GREB1: variants seen among roughly 807,000 people sequenced by gnomAD.
GREB1 encodes protein GREB1.
Under a neutral mutation model 200.7 loss-of-function variants are expected in GREB1, and 106 were observed. The observed-to-expected ratio is 0.53, with a 90% CI of 0.45 to 0.62. The LOEUF (loss-of-function observed/expected upper bound fraction) is 0.62. GREB1 is among the 20% of genes least tolerant of loss of function. The pLI is 0.00. For missense variants in GREB1, 2,243 were observed against 2,556.8 expected (o/e 0.88, Z 2.65); for synonymous variants, 1,132 against 1,092.4 (o/e 1.04, Z -0.72).
intron 11 of GREB1, among the ~76,000 whole-genome samples, chr2:11,594,441 G>A (rs577302041): frequency 1.2e-3 from 174 of 150,744 alleles, no homozygotes; most frequent in Admixed American, 2.2e-3. Flanking sequence ...TGCAACCTCC[G>A]TCTCCCAAGT....
chr2:11,617,608 G>T (rs1683531373), intron 21 of GREB1, among the ~76,000 whole-genome samples: 1 of 152,254 alleles, frequency 6.6e-6, no homozygotes, highest in African/African-American at 2.4e-5. Flanking sequence ...CCTCAGTCGG[G>T]CCTTGCGGAA....
chr2:11,586,419 G>C (rs1680098612), intron 9 of GREB1, among the ~76,000 whole-genome samples: 1 of 152,234 alleles, frequency 6.6e-6, no homozygotes, highest in Non-Finnish European at 1.5e-5. Flanking sequence ...GATTTGATCT[G>C]TTTTGTGCAG....
intron 26 of GREB1, among the ~76,000 whole-genome samples, chr2:11,630,409 A>G (rs1005230795): frequency 6.6e-6 from 1 of 152,254 alleles, no homozygotes; most frequent in Non-Finnish European, 1.5e-5. Flanking sequence ...TGTTTGGAAT[A>G]ACTGATGAAA....
intron 30 of GREB1, among the ~76,000 whole-genome samples, chr2:11,637,455 G>A (rs1685474153): frequency 6.6e-6 from 1 of 152,176 alleles, no homozygotes; most frequent in Non-Finnish European, 1.5e-5. Context: ...AGACCAGAAA[G>A]CTGGTTTCCT....
intron 11 of GREB1, among the ~76,000 whole-genome samples, chr2:11,594,855 G>A (rs1055006689): frequency 1.5e-4 from 23 of 152,006 alleles, no homozygotes; most frequent in Non-Finnish European, 2.4e-4. Context: ...CACCACACCC[G>A]GCTAATTTTT....
chr2:11,506,545 TTTA>T (rs1673188031), intron 1 of GREB1, among the ~76,000 whole-genome samples: 1 of 152,168 alleles, frequency 6.6e-6, no homozygotes, highest in Non-Finnish European at 1.5e-5. Flanking sequence ...AGTTGGTGTA[TTTA>T]TTATTTTCTA....
At chr2:11,539,795 A>ATTTTTTTTTTTTTTTTTTTT (rs66629142) in intron 1 of GREB1, 3 of 121,278 alleles carry the variant, frequency 2.5e-5, no homozygotes, top group Non-Finnish European at 3.4e-5. Flanking sequence ...CTACTGCTGA[A>ATTTTTTTTTTTTTTTTTTTT]TTTTTTTTTT....
rs1478189481 is a variant in GREB1, at chr2:11,496,715, A to G, written c.-159+14334A>G. ...TATTTACATGCACTCATAAGAAATAATACAGAGGTCTCATGTACCATATAC... is the reference window on the plus strand; with the variant it reads ...TATTTACATGCACTCATAAGAAATAGTACAGAGGTCTCATGTACCATATAC... On this transcript the variant is annotated intron_variant, in intron 1 of 2. Transcript: ENST00000628795. Among the ~76,000 whole-genome samples the G allele has an allele frequency of 3.3e-5, 5 of 152,262 alleles. No homozygotes were observed. The East Asian group carries it at 9.6e-4, about 29-fold the overall frequency.
At chr2:11,541,456 T>A (rs1245770721) in intron 1 of GREB1, among the ~76,000 whole-genome samples, 2 of 148,280 alleles carry the variant, frequency 1.3e-5, no homozygotes, top group Admixed American at 6.7e-5. Context: ...AGGGGGGCCA[T>A]GGGGATCGGA....
At chr2:11,595,174 A>G (rs1681096968) in intron 11 of GREB1, 77 bp from the exon 12 acceptor site, 2 of 1,325,894 alleles carry the variant, frequency 1.5e-6, no homozygotes, top group Admixed American at 4.0e-5. Context: ...TAGAAGGGTT[A>G]AGGGACTAGT....
rs981801194 is a variant in GREB1 at position 11,543,550 on chromosome 2, C to A, written c.-162+9296C>A. On this transcript the variant is annotated intron_variant, in intron 1 of 32. Coordinates refer to ENST00000381486, the MANE Select transcript of GREB1 (RefSeq NM_014668.4). Reference sequence around the variant, plus strand: ...GTCACACAGCTTGAAAGCAGCATAACCATGAATCAAGCCCCTGGTGGTCTT... The same window carrying A: ...GTCACACAGCTTGAAAGCAGCATAAACATGAATCAAGCCCCTGGTGGTCTT... Among the ~76,000 whole-genome samples the A allele has an allele frequency of 3.9e-5, 6 of 152,282 alleles. No individual in the cohort carries two copies. The East Asian group carries it at 1.2e-3, about 29-fold the overall frequency.
At chr2:11,562,879 T>C (rs1443205442) in intron 3 of GREB1, 1 of 255,184 alleles carries the variant, frequency 3.9e-6, no homozygotes, top group Admixed American at 5.1e-5. Context: ...CATTTTTCTG[T>C]GTTGGTTGCT....
At chr2:11,566,953 C>T (rs761304223) in intron 4 of GREB1, among the ~76,000 whole-genome samples, 2 of 152,158 alleles carry the variant, frequency 1.3e-5, no homozygotes, top group African/African-American at 2.4e-5. Context: ...GGGTGACAAA[C>T]CCTGTCCTAG....
chr2:11,638,061 G>T, intron 31 of GREB1, 145 bp downstream of exon 31: 1 of 688,530 alleles, frequency 1.5e-6, no homozygotes, highest in South Asian at 1.8e-5. Flanking sequence ...CCATTCAGCT[G>T]AGAGAACTGA....
chr2:11,622,400 T>C (rs1030385794), intron 23 of GREB1, among the ~76,000 whole-genome samples: 20 of 152,238 alleles, frequency 1.3e-4, no homozygotes, highest in African/African-American at 4.8e-4. Flanking sequence ...TAAATACTCA[T>C]AGGCATTTCT....
Position 11,507,294 on chromosome 2 carries a change from A to C in GREB1, c.-159+24913A>C, listed in dbSNP as rs147257570. ...CGTGGTGGCAGGTGCCTATAATCCCAGCTACTCGGGAGGCTGAGGCAGGAG... is the reference window on the plus strand; with the variant it reads ...CGTGGTGGCAGGTGCCTATAATCCCCGCTACTCGGGAGGCTGAGGCAGGAG... On this transcript the variant is annotated intron_variant, in intron 1 of 2. Coordinates refer to the GREB1 transcript ENST00000628795. 3.3e-3 allele frequency among the ~76,000 whole-genome samples: 495 copies of C among 152,030 alleles called. 5 individuals carry two copies. The highest frequency in any genetic ancestry group is 0.011 in the African/African-American group (472 of 41,464).
intron 1 of GREB1, among the ~76,000 whole-genome samples, chr2:11,499,223 G>C (rs1468768601): frequency 6.6e-6 from 1 of 152,220 alleles, no homozygotes; most frequent in African/African-American, 2.4e-5. Context: ...GCTGAATCTG[G>C]AGAGAATGTT....
intron 1 of GREB1, among the ~76,000 whole-genome samples, chr2:11,483,687 GGTGTGTGTGTGT>G (rs57352590): frequency 0.02 from 2,618 of 132,362 alleles, 43 homozygotes; most frequent in East Asian, 0.063. Flanking sequence ...TACAAGAAGG[GGTGTGTGTGTGT>G]GTGTGTGTGT....
At chr2:11,488,900 G>A (rs1255002391) in intron 1 of GREB1, among the ~76,000 whole-genome samples, 2 of 139,708 alleles carry the variant, frequency 1.4e-5, no homozygotes, top group Admixed American at 7.3e-5. Flanking sequence ...AGATTGAGAA[G>A]CCCTTTATAT....
Sources: gnomAD v4.1 joint callset for allele counts (sites outside exome capture counted in the v4.1 genomes callset) on GRCh38, gnomAD v4.1.1 for gene constraint, MANE v1.5 for transcripts, NCBI Gene and HGNC (gene_info 2026-07-23, HGNC 2026-07-21) for gene names.